Variants in PCDH15 observed in about 807,000 individuals in gnomAD.
PCDH15 encodes the protein protocadherin-15.
Under a neutral mutation model 178.5 loss-of-function variants are expected in PCDH15, and 129 were observed. The ratio of observed to expected loss-of-function variants is 0.72; its 90% CI spans 0.63 to 0.84. The LOEUF (loss-of-function observed/expected upper bound fraction) is 0.84. Ranked by LOEUF, PCDH15 falls within the 40% of genes least tolerant of loss-of-function variation. The probability of loss-of-function intolerance (pLI) is 0.00; values close to 1 mark genes in which losing one functional copy is unlikely to be tolerated. For missense variants in PCDH15, 2,230 were observed against 2,099.9 expected (o/e 1.06, Z -1.21); for synonymous variants, 800 against 732.0 (o/e 1.09, Z -1.50).
intron 2 of PCDH15, among the ~76,000 whole-genome samples, chr10:55,146,822 T>C (rs954570697): frequency 6.7e-6 from 1 of 150,018 alleles, no homozygotes; most frequent in Non-Finnish European, 1.5e-5. Context: ...TAAGCAATTA[T>C]CTCAAAAGAC....
intron 14 of PCDH15, 44 bp from the exon 15 acceptor site, chr10:54,133,051 C>G: frequency 1.9e-6 from 3 of 1,612,864 alleles, no homozygotes; most frequent in Non-Finnish European, 2.5e-6. Flanking sequence ...GAATCTGCAT[C>G]ACATTTAATG....
At chr10:54,664,097 A>C in intron 2 of PCDH15, 75 bp downstream of exon 2, 2 of 1,075,272 alleles carry the variant, frequency 1.9e-6, no homozygotes, top group Non-Finnish European at 2.8e-6. Context: ...AGCATTATTC[A>C]TCTCTGTGGT....
At chr10:54,834,821 T>A (rs987229004) in intron 3 of PCDH15, among the ~76,000 whole-genome samples, 2 of 152,182 alleles carry the variant, frequency 1.3e-5, no homozygotes, top group Non-Finnish European at 2.9e-5. Context: ...GAATTTTTTT[T>A]AAAGTGGCAA....
At chr10:54,583,244 T>G (rs2133821593) in intron 2 of PCDH15, among the ~76,000 whole-genome samples, 1 of 152,252 alleles carries the variant, frequency 6.6e-6, no homozygotes, top group Middle Eastern at 3.4e-3. Flanking sequence ...ATTTTATCCA[T>G]GCAATTAACA....
chr10:54,938,440 A>G (rs1482532582), intron 2 of PCDH15, among the ~76,000 whole-genome samples: 2 of 152,178 alleles, frequency 1.3e-5, no homozygotes, highest in Non-Finnish European at 2.9e-5. Flanking sequence ...AGCAATACAT[A>G]GAATGGGTTG....
chr10:54,675,154 T>C (rs1268034402), intron 1 of PCDH15, among the ~76,000 whole-genome samples: 10 of 152,028 alleles, frequency 6.6e-5, no homozygotes, highest in African/African-American at 2.4e-4. Context: ...TTACATTAAA[T>C]ATTAGATTAT....
chr10:54,396,149 A>C (rs1392327238), intron 3 of PCDH15, among the ~76,000 whole-genome samples: 4 of 152,164 alleles, frequency 2.6e-5, no homozygotes, highest in Non-Finnish European at 5.9e-5. Flanking sequence ...AGAACTTTAG[A>C]CTGTTATGGG....
chr10:55,484,823 G>A (rs1182839944), intron 2 of PCDH15, among the ~76,000 whole-genome samples: 1 of 151,680 alleles, frequency 6.6e-6, no homozygotes, highest in African/African-American at 2.4e-5. Flanking sequence ...TGGAAAATGT[G>A]ATGGCCACAG....
intron 3 of PCDH15, among the ~76,000 whole-genome samples, chr10:54,385,275 C>A (rs1228112210): frequency 6.6e-6 from 1 of 151,994 alleles, no homozygotes; most frequent in Non-Finnish European, 1.5e-5. Flanking sequence ...TTCAGATTAA[C>A]AATTCTGTAA....
At chr10:55,385,626 T>C (rs928623749) in intron 2 of PCDH15, among the ~76,000 whole-genome samples, 5 of 149,246 alleles carry the variant, frequency 3.4e-5, no homozygotes, top group African/African-American at 4.9e-5. Flanking sequence ...GGTTAATAAC[T>C]AAAGGCTGCT....
intron 3 of PCDH15, among the ~76,000 whole-genome samples, chr10:54,870,764 C>A (rs930970014): frequency 6.7e-6 from 1 of 150,310 alleles, no homozygotes; most frequent in African/African-American, 2.5e-5. Flanking sequence ...CTAGCCTGGG[C>A]GACAGAGAGA....
chr10:55,315,910 G>T (rs1448980793), intron 1 of PCDH15, among the ~76,000 whole-genome samples: 1 of 152,072 alleles, frequency 6.6e-6, no homozygotes, highest in Non-Finnish European at 1.5e-5. Flanking sequence ...CAGCTACTTG[G>T]GAGGCTGAAG....
intron 2 of PCDH15, among the ~76,000 whole-genome samples, chr10:55,148,434 A>T (rs1363497013): frequency 6.6e-6 from 1 of 151,836 alleles, no homozygotes; most frequent in Admixed American, 6.6e-5. Flanking sequence ...ACTAGGACCT[A>T]TGGGATTCGT....
intron 21 of PCDH15, among the ~76,000 whole-genome samples, chr10:53,982,996 T>C (rs2090794889): frequency 6.6e-6 from 1 of 152,062 alleles, no homozygotes; most frequent in Non-Finnish European, 1.5e-5. Context: ...AATCACATTG[T>C]AGCAGGGAAT....
At chr10:55,533,738 T>G (rs1018824922) in intron 2 of PCDH15, among the ~76,000 whole-genome samples, 1 of 151,816 alleles carries the variant, frequency 6.6e-6, no homozygotes, top group Non-Finnish European at 1.5e-5. Flanking sequence ...TTCTAAGATC[T>G]ATATGGAACC....
At chr10:55,240,663 T>G (rs562411369) in intron 1 of PCDH15, among the ~76,000 whole-genome samples, 1 of 152,334 alleles carries the variant, frequency 6.6e-6, no homozygotes. Context: ...ATAATATGTT[T>G]CTCTGTTTCT....
intron 2 of PCDH15, among the ~76,000 whole-genome samples, chr10:54,638,965 A>C (rs1416081518): frequency 6.6e-6 from 1 of 152,110 alleles, no homozygotes; most frequent in Non-Finnish European, 1.5e-5. Context: ...TCAAGTTCTC[A>C]CTTGTAAGTG....
chr10:55,434,970 T>G (rs1286724541), intron 2 of PCDH15, among the ~76,000 whole-genome samples: 1 of 152,226 alleles, frequency 6.6e-6, no homozygotes, highest in African/African-American at 2.4e-5. Flanking sequence ...TTACTTATTT[T>G]ATGAAAACAT....
intron 2 of PCDH15, among the ~76,000 whole-genome samples, chr10:55,008,799 C>T (rs1391882800): frequency 6.6e-6 from 1 of 151,902 alleles, no homozygotes; most frequent in Non-Finnish European, 1.5e-5. Flanking sequence ...AAAAAATATA[C>T]ATAGTTATTT....
Sources: gnomAD v4.1 joint callset for allele counts (sites outside exome capture counted in the v4.1 genomes callset) on GRCh38, gnomAD v4.1.1 for gene constraint, MANE v1.5 for transcripts, NCBI Gene and HGNC (gene_info 2026-07-23, HGNC 2026-07-21) for gene names.